The following IFFO2 variants were observed in gnomAD, a reference collection of about 807,000 sequenced individuals.
The protein encoded by IFFO2 is intermediate filament family orphan 2.
A neutral mutation model predicts 53.5 loss-of-function variants in IFFO2; 19 were observed. The ratio of observed to expected loss-of-function variants is 0.36; its 90% CI spans 0.25 to 0.52. The LOEUF (loss-of-function observed/expected upper bound fraction) is 0.52, where lower values mean the gene tolerates loss of function less well. IFFO2 is among the 20% of genes least tolerant of loss of function. The probability of loss-of-function intolerance (pLI) is 0.94; values close to 1 mark genes in which losing one functional copy is unlikely to be tolerated. For missense variants in IFFO2, 570 were observed against 727.4 expected (o/e 0.78, Z 2.49); for synonymous variants, 303 against 313.6 (o/e 0.97, Z 0.36).
rs1936170243 is a variant in IFFO2, at chr1:18,918,644, C to T, written c.823-142G>A. 2 of 480,116 alleles carry T rather than the reference C, an allele frequency of 4.2e-6. No homozygotes were observed. The highest frequency in any genetic ancestry group is 6.5e-5 in the East Asian group (1 of 15,424). The allele number at this position is 480,116 out of a possible 1,614,324, so 29.7% of individuals were successfully genotyped here. A position where few individuals can be genotyped will look rare whatever the true frequency, so the allele number is the denominator to read the frequency against. ...AGTCCGAGGGTGCCTTGGGCTTTTC[C>T]GTGGAGTGGAGGGCTGCGGCGGCAC... On this transcript the variant is annotated intron_variant, in intron 3 of 8. Transcript: ENST00000455833. This position sits in a 1 kb window ranked among gnomAD's most constrained non-coding sequence, Gnocchi z 5.2.
intron 1 of IFFO2, among the ~76,000 whole-genome samples, chr1:18,929,250 G>A (rs547135829): frequency 6.6e-6 from 1 of 152,324 alleles, no homozygotes; most frequent in East Asian, 1.9e-4. Flanking sequence ...TAGGGCTCAT[G>A]GATGGATCAG....
At chr1:18,953,929 G>A (rs1277528859) in intron 1 of IFFO2, among the ~76,000 whole-genome samples, 2 of 152,182 alleles carry the variant, frequency 1.3e-5, no homozygotes, top group Non-Finnish European at 2.9e-5. Flanking sequence ...ACAAGCCTGA[G>A]GCATGACAAC....
chr1:18,910,475 G>A lies in IFFO2; in HGVS notation c.1318-3C>T. ...CTTTTGGCTGTGGCCAGCTCGAGCT[G>A]GGAGGAACCAATGAGGAATAAGGGT... On this transcript the variant is annotated splice_region_variant and splice_polypyrimidine_tract_variant and intron_variant, in intron 7 of 8. Coordinates refer to ENST00000455833, the MANE Select transcript of IFFO2 (RefSeq NM_001136265.2). The A allele has an allele frequency of 6.2e-7, 1 of 1,610,074 alleles. No individual in the cohort carries two copies.
chr1:18,933,503 G>A (rs745481877), intron 1 of IFFO2, among the ~76,000 whole-genome samples: 4 of 152,196 alleles, frequency 2.6e-5, no homozygotes, highest in Non-Finnish European at 5.9e-5. Context: ...GGCCAGGCAC[G>A]TTGGCTCACG....
At chr1:18,933,931 C>G (rs1242228658) in intron 1 of IFFO2, among the ~76,000 whole-genome samples, 3 of 151,932 alleles carry the variant, frequency 2.0e-5, no homozygotes, top group Admixed American at 6.6e-5. Flanking sequence ...CCCCGTACCC[C>G]TCTCCCCGCA....
chr1:18,910,819 C>T (rs1453837610), intron 7 of IFFO2, among the ~76,000 whole-genome samples: 2 of 152,254 alleles, frequency 1.3e-5, no homozygotes, highest in Non-Finnish European at 2.9e-5. Flanking sequence ...ATGTTTCTGA[C>T]TCTTGTCCTC....
Position 18,919,160 on chromosome 1 carries a change from T to C in IFFO2, c.822+518A>G, listed in dbSNP as rs571645987. Among the ~76,000 whole-genome samples the C allele has an allele frequency of 5.3e-5, 8 of 152,122 alleles. No individual in the cohort carries two copies. The highest frequency in any genetic ancestry group is 3.9e-4 in the East Asian group (2 of 5,178). On this transcript the variant is annotated intron_variant, in intron 3 of 8. Coordinates refer to ENST00000455833, the MANE Select transcript of IFFO2 (RefSeq NM_001136265.2). The surrounding 1 kb of genome is among the most constrained non-coding windows in gnomAD (Gnocchi z 4.9). ...TGGGTCCCCAGCAGCAAGGAGCCCTTTGCTGCCAACAGCTCCCCCCACCCA... is the reference window on the plus strand; with the variant it reads ...TGGGTCCCCAGCAGCAAGGAGCCCTCTGCTGCCAACAGCTCCCCCCACCCA...
At position 18,956,322 on chromosome 1, in the gene IFFO2, G is replaced by T; in HGVS notation, c.11C>A (p.Ser4Ter). Residue 4 changes from serine (S) to a stop codon, truncating the protein, a stop_gained, in exon 1 of 9, where the codon TCG becomes TAG. Transcript: ENST00000455833. LOFTEE classifies it high-confidence loss of function. The surrounding 1 kb of genome is among the most constrained non-coding windows in gnomAD (Gnocchi z 6.4). ...CAAGGCCATCTCCCCGAACAGCAGC[G>T]AGTTCACCATGCGCCGGCTGCGCGG... is the stretch of plus-strand genomic sequence containing the variant. MVN[S>*]LLFGEMALAF... The T allele has an allele frequency of 2.6e-6, 1 of 378,364 alleles. No homozygotes were observed. The highest frequency in any genetic ancestry group is 5.8e-4 in the Middle Eastern group (1 of 1,718). The allele number at this position is 378,364 out of a possible 1,614,324, so 23.4% of individuals were successfully genotyped here. A position where few individuals can be genotyped will look rare whatever the true frequency, so the allele number is the denominator to read the frequency against.
chr1:18,914,066 C>T (rs911391160), intron 5 of IFFO2, among the ~76,000 whole-genome samples: 13 of 152,310 alleles, frequency 8.5e-5, no homozygotes, highest in African/African-American at 2.2e-4. Context: ...CTCCTGACCT[C>T]GTGATCCGCC....
intron 5 of IFFO2, among the ~76,000 whole-genome samples, chr1:18,915,192 A>T (rs1936113652): frequency 1.3e-5 from 2 of 152,106 alleles, no homozygotes; most frequent in African/African-American, 4.8e-5. Context: ...TCATTTGTAC[A>T]ATGAAGTGGC....
At position 18,928,471 on chromosome 1, in the gene IFFO2, C is replaced by T. The variant is rs1348531045; in HGVS notation, c.666-7350G>A. On this transcript the variant is annotated intron_variant, in intron 1 of 8. Transcript: ENST00000455833. The surrounding 1 kb of genome is among the most constrained non-coding windows in gnomAD (Gnocchi z 4.9). Reference sequence around the variant, plus strand: ...TGAGCAGGACGGAGCACAGGCTGTACACTGAGGATGGGGGCCAGGTTTGAG... The same window carrying T: ...TGAGCAGGACGGAGCACAGGCTGTATACTGAGGATGGGGGCCAGGTTTGAG... 1.3e-5 allele frequency among the ~76,000 whole-genome samples: 2 copies of T among 152,224 alleles called. No individual in the cohort carries two copies. Among genetic ancestry groups the T allele is most frequent in the South Asian group, 2.1e-4 (1 of 4,820 alleles).
rs921245098 is a variant in IFFO2 at position 18,908,776 on chromosome 1, G to A, written c.1449-110C>T. The A allele has an allele frequency of 1.2e-5, 9 of 771,798 alleles. No homozygotes were observed. The African/African-American group carries it at 1.6e-4, about 13-fold the overall frequency. The allele number at this position is 771,798 out of a possible 1,614,324, so 47.8% of individuals were successfully genotyped here. Reference sequence around the variant, plus strand: ...TTCTATAAGATCTACTCTCAGAGGGGCCTGGTCCTGAGCTCCTGCCTCACT... The same window carrying A: ...TTCTATAAGATCTACTCTCAGAGGGACCTGGTCCTGAGCTCCTGCCTCACT... On this transcript the variant is annotated intron_variant, in intron 8 of 8. Transcript: ENST00000455833.
At position 18,919,597 on chromosome 1, in the gene IFFO2, G is replaced by T; in HGVS notation, c.822+81C>A. ...GGATTCTAACTAGAAGCCGAGCCCC[G>T]GAGCCTCGGAGGGAATGAAGCATTT... On this transcript the variant is annotated intron_variant, in intron 3 of 8. Transcript: ENST00000455833. This position sits in a 1 kb window ranked among gnomAD's most constrained non-coding sequence, Gnocchi z 4.9. 1 of 930,332 alleles carries T rather than the reference G, an allele frequency of 1.1e-6. No individual in the cohort carries two copies. The highest frequency in any genetic ancestry group is 1.7e-6 in the Non-Finnish European group (1 of 583,054). 57.6% of individuals were successfully genotyped at this position (930,332 alleles called of 1,614,324 possible).
At chr1:18,930,181 A>C (rs1936355905) in intron 1 of IFFO2, among the ~76,000 whole-genome samples, 1 of 152,164 alleles carries the variant, frequency 6.6e-6, no homozygotes, top group African/African-American at 2.4e-5. Flanking sequence ...ATTCCATGGA[A>C]TAGCATATGA....
chr1:18,944,457 G>C (rs1407010810), intron 1 of IFFO2, among the ~76,000 whole-genome samples: 1 of 152,122 alleles, frequency 6.6e-6, no homozygotes, highest in Non-Finnish European at 1.5e-5. Context: ...TCTAATCCTA[G>C]GCCCTGGACC....
At position 18,955,961 on chromosome 1, in the gene IFFO2, G is replaced by A; in HGVS notation, c.372C>T (p.Gly124=). ...CGCCGGCCGCCGCGCCACTGCTGAG[G>A]CCGTGCCCGCCGCCGGGCGCCGGGG... The part of the protein sequence containing the change: ...LRPPAPGGGH[G]LSSGAAAGAN... The change falls in exon 1 of 9, where the codon GGC becomes GGT. Residue 124 remains glycine, a synonymous_variant. Transcript: ENST00000455833. 2 of 1,319,678 alleles carry A rather than the reference G, an allele frequency of 1.5e-6. No homozygotes were observed. Among genetic ancestry groups the A allele is most frequent in the South Asian group, 3.6e-5 (2 of 54,884 alleles). 81.7% of individuals were successfully genotyped at this position (1,319,678 alleles called of 1,614,324 possible).
intron 1 of IFFO2, among the ~76,000 whole-genome samples, chr1:18,953,924 C>A (rs1168852196): frequency 1.3e-5 from 2 of 152,198 alleles, no homozygotes; most frequent in Non-Finnish European, 2.9e-5. Context: ...ACAACACAAG[C>A]CTGAGGCATG....
Position 18,956,086 on chromosome 1 carries a change from T to G in IFFO2, c.247A>C (p.Lys83Gln). ...TCGCTCTGCTGCTGCTCCAGCTGCT[T>G]CTCCAGCAGCCGGTTGCGCCGCTCC... ...ELERRNRLLE[K>Q]QLEQQQSERE... Residue 83 changes from lysine to glutamine, a missense_variant, in exon 1 of 9, where the codon AAG (lysine) becomes CAG (glutamine). Lys to Gln is a moderately conservative substitution (Grantham distance 53). Coordinates refer to ENST00000455833, the MANE Select transcript of IFFO2 (RefSeq NM_001136265.2). The surrounding 1 kb of genome is among the most constrained non-coding windows in gnomAD (Gnocchi z 6.4). The G allele has an allele frequency of 6.7e-7, 1 of 1,501,102 alleles. No homozygotes were observed. Among genetic ancestry groups the G allele is most frequent in the South Asian group, 1.2e-5 (1 of 82,368 alleles). 93.0% of individuals were successfully genotyped at this position (1,501,102 alleles called of 1,614,324 possible). A position where few individuals can be genotyped will look rare whatever the true frequency, so the allele number is the denominator to read the frequency against.
chr1:18,920,987 C>A, intron 2 of IFFO2, 74 bp downstream of exon 2: 1 of 1,343,568 alleles, frequency 7.4e-7, no homozygotes, highest in Middle Eastern at 1.8e-4. Context: ...GGCTTTGCCG[C>A]ATGAAGACTG....
Sources: gnomAD v4.1 joint callset for allele counts (sites outside exome capture counted in the v4.1 genomes callset) on GRCh38, gnomAD v4.1.1 for gene constraint, Gnocchi (gnomAD v3.1) non-coding constraint, MANE v1.5 for transcripts, NCBI Gene and HGNC (gene_info 2026-07-23, HGNC 2026-07-21) for gene names.